The following ZMIZ1 variants were observed in gnomAD, a reference collection of about 807,000 sequenced individuals.
ZMIZ1 encodes the protein zinc finger MIZ-type containing 1, also known as zinc finger MIZ domain-containing protein 1.
Under a neutral mutation model 113.9 loss-of-function variants are expected in ZMIZ1, and 17 were observed. That is an observed-to-expected ratio of 0.15 (90% CI 0.10 to 0.22). The LOEUF (loss-of-function observed/expected upper bound fraction) is 0.22. ZMIZ1 is among the 10% of genes least tolerant of loss of function. The pLI, the probability that ZMIZ1 is intolerant of heterozygous loss-of-function variation, is 1.00. For missense variants in ZMIZ1, 1,059 were observed against 1,477.8 expected (o/e 0.72, Z 4.65); for synonymous variants, 607 against 603.1 (o/e 1.01, Z -0.09).
At chr10:79,169,535 C>T (rs1433830834) in intron 4 of ZMIZ1, among the ~76,000 whole-genome samples, 1 of 152,270 alleles carries the variant, frequency 6.6e-6, no homozygotes, top group Admixed American at 6.5e-5. Flanking sequence ...TAAAGATCGT[C>T]TCATCCCTGG....
Position 79,298,471 on chromosome 10 carries a change from C to T in ZMIZ1, c.1557C>T (p.Pro519=), listed in dbSNP as rs1854061939. The T allele has an allele frequency of 3.1e-6, 5 of 1,607,914 alleles. No homozygotes were observed. The East Asian group carries it at 6.8e-5, about 22-fold the overall frequency. The part of the protein sequence containing the change: ...HSPVPGNPTP[P]MTPGSSIPPY... The stretch of plus-strand genomic sequence containing the variant: ...CTGTTCCAGGGAACCCCACACCCCC[C>T]ATGACCCCTGGGAGCAGCATCCCTC... Residue 519 remains proline, a synonymous_variant, in exon 15 of 25, where the codon CCC becomes CCT. Transcript: ENST00000334512.
intron 16 of ZMIZ1, among the ~76,000 whole-genome samples, chr10:79,300,009 C>T (rs1854182301): frequency 6.6e-6 from 1 of 151,670 alleles, no homozygotes; most frequent in African/African-American, 2.4e-5. Flanking sequence ...CTGGCACATG[C>T]ACACACACCC....
chr10:79,265,411 G>A (rs1851535876), intron 7 of ZMIZ1, among the ~76,000 whole-genome samples: 1 of 151,732 alleles, frequency 6.6e-6, no homozygotes, highest in Non-Finnish European at 1.5e-5. Flanking sequence ...GGGCAGCAGA[G>A]ACGGACAGGG....
In ZMIZ1 at chr10:79,171,234, C is replaced by T. The variant is rs960639338; in HGVS notation, c.-50+9101C>T. On this transcript the variant is annotated intron_variant, in intron 4 of 24. Transcript: ENST00000334512. The stretch of plus-strand genomic sequence containing the variant: ...AGCTGGCCCTGTCCTGATGAGATCT[C>T]GTTTGAGGCAGCTGGGTCTGGGCTA... 7.2e-5 allele frequency among the ~76,000 whole-genome samples: 11 copies of T among 152,318 alleles called. 1 individual carries two copies. Among genetic ancestry groups the T allele is most frequent in the Non-Finnish European group, 4.4e-5 (3 of 68,028 alleles).
intron 1 of ZMIZ1, among the ~76,000 whole-genome samples, chr10:79,080,300 CTTTTTTTTTT>C (rs10592440): frequency 2.4e-5 from 2 of 85,020 alleles, no homozygotes; most frequent in South Asian, 4.1e-4. Flanking sequence ...TCGGGTGTGA[CTTTTTTTTTT>C]TTTTTTTTTT....
In ZMIZ1 at chr10:79,142,942, C is replaced by T. The variant is rs148533771; in HGVS notation, c.-131+3165C>T. Among the ~76,000 whole-genome samples the T allele has an allele frequency of 5.9e-5, 9 of 152,196 alleles. 1 individual carries two copies. The East Asian group carries it at 9.7e-4, about 16-fold the overall frequency. ...GATCCTTTATCCTAAAAGATGTGAA[C>T]CTTCCCAGGCCGCGAGTGAGTGTCA... On this transcript the variant is annotated intron_variant, in intron 3 of 24. Transcript: ENST00000334512.
chr10:79,276,746 A>G (rs1266014643), intron 7 of ZMIZ1, among the ~76,000 whole-genome samples: 2 of 152,062 alleles, frequency 1.3e-5, no homozygotes, highest in Non-Finnish European at 2.9e-5. Context: ...TTTGCCTCTG[A>G]TCGAAGTGTG....
intron 14 of ZMIZ1, 121 bp downstream of exon 14, chr10:79,297,811 C>A (rs1854005470): frequency 2.6e-6 from 2 of 771,616 alleles, no homozygotes; most frequent in Non-Finnish European, 2.2e-6. Context: ...GGGGTGCACT[C>A]CCTGGTCCCC....
chr10:79,098,068 A>G (rs1843233851), intron 1 of ZMIZ1, among the ~76,000 whole-genome samples: 1 of 152,176 alleles, frequency 6.6e-6, no homozygotes, highest in Admixed American at 6.5e-5. Flanking sequence ...GACTTGATGG[A>G]AGTCTGGGGC....
At chr10:79,131,271 C>A (rs1023024945) in intron 2 of ZMIZ1, among the ~76,000 whole-genome samples, 10 of 152,150 alleles carry the variant, frequency 6.6e-5, no homozygotes, top group Admixed American at 3.3e-4. Context: ...ATTTCTGAGA[C>A]CAGTCCTGAG....
At chr10:79,268,274 G>A (rs1194617081) in intron 7 of ZMIZ1, among the ~76,000 whole-genome samples, 2 of 152,238 alleles carry the variant, frequency 1.3e-5, no homozygotes, top group South Asian at 4.1e-4. Flanking sequence ...TGGGGTGGCT[G>A]TGCATGTCAT....
intron 10 of ZMIZ1, among the ~76,000 whole-genome samples, chr10:79,291,649 C>T (rs1721007349): frequency 6.6e-6 from 1 of 152,172 alleles, no homozygotes; most frequent in Non-Finnish European, 1.5e-5. Flanking sequence ...GGCAGGGACT[C>T]CCAGGATATG....
At chr10:79,109,606 C>T (rs571362623) in intron 1 of ZMIZ1, among the ~76,000 whole-genome samples, 97 of 152,292 alleles carry the variant, frequency 6.4e-4, no homozygotes, top group African/African-American at 2.2e-3. Flanking sequence ...GGTTCCTGAT[C>T]CACCCTTTGT....
At chr10:79,214,382 A>G (rs530321710) in intron 6 of ZMIZ1, among the ~76,000 whole-genome samples, 1 of 152,142 alleles carries the variant, frequency 6.6e-6, no homozygotes, top group Admixed American at 6.5e-5. Context: ...TGGCTCAAAC[A>G]TTAGCCCTAC....
intron 1 of ZMIZ1, among the ~76,000 whole-genome samples, chr10:79,094,498 A>G (rs1250011): frequency 0.4 from 61,294 of 152,174 alleles, 13,086 homozygotes; most frequent in African/African-American, 0.54. Flanking sequence ...TGGCCATGAA[A>G]TGGGTACTGC....
chr10:79,296,789 C>T lies in ZMIZ1; in HGVS notation c.1413+136C>T. On this transcript the variant is annotated intron_variant, in intron 13 of 24. Transcript: ENST00000334512. This position sits in a 1 kb window ranked among gnomAD's most constrained non-coding sequence, Gnocchi z 4.1. Reference sequence around the variant, plus strand: ...CGAGGGGTGGGTGATTTCTGAACGTCCCCATGTGTTCAGGGCGAAGTTCGG... The same window carrying T: ...CGAGGGGTGGGTGATTTCTGAACGTTCCCATGTGTTCAGGGCGAAGTTCGG... The T allele has an allele frequency of 1.2e-6, 1 of 850,172 alleles. No individual in the cohort carries two copies. Among genetic ancestry groups the T allele is most frequent in the Non-Finnish European group, 1.7e-6 (1 of 584,176 alleles). The allele number at this position is 850,172 out of a possible 1,614,324, so 52.7% of individuals were successfully genotyped here. A position where few individuals can be genotyped will look rare whatever the true frequency, so the allele number is the denominator to read the frequency against.
In ZMIZ1 at chr10:79,298,597, C is replaced by G. The variant is rs200345470; in HGVS notation, c.1666+17C>G. 191 of 1,583,370 alleles carry G rather than the reference C, an allele frequency of 1.2e-4. No homozygotes were observed. The African/African-American group carries it at 2.5e-3, about 20-fold the overall frequency. The stretch of plus-strand genomic sequence containing the variant: ...CACCCCCAGGTGAGGGCCCTCCCTC[C>G]CTCTCTTGGCAGCTCCACCTGGGCC... On this transcript the variant is annotated intron_variant, in intron 15 of 24. Coordinates refer to ENST00000334512, the MANE Select transcript of ZMIZ1 (RefSeq NM_020338.4).
chr10:79,143,870 C>T (rs116274058), intron 3 of ZMIZ1, among the ~76,000 whole-genome samples: 3,292 of 152,250 alleles, frequency 0.022, 123 homozygotes, highest in African/African-American at 0.075. Flanking sequence ...AGAGTGAGTG[C>T]GGTCTGACAT....
intron 1 of ZMIZ1, among the ~76,000 whole-genome samples, chr10:79,096,786 C>T (rs1036340188): frequency 6.6e-6 from 1 of 152,090 alleles, no homozygotes; most frequent in Non-Finnish European, 1.5e-5. Flanking sequence ...TGCTGGGAGC[C>T]AAAGAGAGAA....
Sources: allele counts gnomAD v4.1 joint callset (sites outside exome capture counted in the v4.1 genomes callset), GRCh38; gene constraint gnomAD v4.1.1; non-coding constraint Gnocchi (gnomAD v3.1); transcripts MANE v1.5; gene names NCBI Gene and HGNC (gene_info 2026-07-23, HGNC 2026-07-21).